Variants in IQCJ observed in about 807,000 individuals in gnomAD.
The protein encoded by IQCJ is IQ motif containing J, also known as IQ domain-containing protein J.
IQCJ carries 9 observed loss-of-function variants against 11.0 expected under a neutral mutation model. The observed-to-expected ratio is 0.82, with a 90% CI of 0.49 to 1.43. IQCJ has a LOEUF of 1.43. Among genes scored for constraint, IQCJ ranks in the 40% most tolerant of loss-of-function variants. The pLI, the probability that IQCJ is intolerant of heterozygous loss-of-function variation, is 0.00. For synonymous variants in IQCJ, 55 were observed against 51.3 expected (o/e 1.07, Z -0.31); for missense variants, 146 against 133.2 (o/e 1.10, Z -0.47).
At chr3:159,082,656 C>T (rs750310785) in intron 1 of IQCJ, among the ~76,000 whole-genome samples, 1 of 151,984 alleles carries the variant, frequency 6.6e-6, no homozygotes, top group Non-Finnish European at 1.5e-5. Context: ...GAAAGGGAAG[C>T]TGTGGTTGGG....
chr3:159,245,628 A>AT lies in IQCJ; in HGVS notation c.10-208dup, dbSNP rs563570144. Reference sequence around the variant, plus strand: ...AGGCACCTGCTACCATGCCTGGCTAATTTTTTTGTATTTTTAGTAGAGACA... The same window carrying AT: ...AGGCACCTGCTACCATGCCTGGCTAATTTTTTTTGTATTTTTAGTAGAGACA... On this transcript the variant is annotated intron_variant, in intron 1 of 3. Coordinates refer to ENST00000397832, the MANE Select transcript of IQCJ (RefSeq NM_001042706.3). Among the ~76,000 whole-genome samples, 20 of 151,822 alleles carry AT rather than the reference A, an allele frequency of 1.3e-4. No homozygotes were observed. In the South Asian group the frequency reaches 3.3e-3, roughly 25 times the overall value.
intron 3 of IQCJ, among the ~76,000 whole-genome samples, chr3:159,260,173 T>C (rs181044659): frequency 6.6e-6 from 1 of 152,288 alleles, no homozygotes; most frequent in East Asian, 1.9e-4. Context: ...GAGAAGAGGA[T>C]GTTTAAGTGC....
Position 159,178,022 on chromosome 3 carries a change from A to T in IQCJ, c.10-67821A>T, listed in dbSNP as rs1722882089. Among the ~76,000 whole-genome samples the T allele has an allele frequency of 3.9e-5, 6 of 152,336 alleles. No homozygotes were observed. The South Asian group carries it at 1.2e-3, about 32-fold the overall frequency. ...TTTGTGAGACATATGCAGGCATATGATGAACATTTTTATAACTCGCTCTTC... is the reference window on the plus strand; with the variant it reads ...TTTGTGAGACATATGCAGGCATATGTTGAACATTTTTATAACTCGCTCTTC... On this transcript the variant is annotated intron_variant, in intron 1 of 3. Coordinates refer to ENST00000397832, the MANE Select transcript of IQCJ (RefSeq NM_001042706.3).
intron 1 of IQCJ, among the ~76,000 whole-genome samples, chr3:159,197,336 T>C (rs1724046771): frequency 6.6e-6 from 1 of 152,168 alleles, no homozygotes; most frequent in South Asian, 2.1e-4. Flanking sequence ...CATTTCTCCA[T>C]TGTCACTACC....
At chr3:159,136,418 A>G (rs140270430) in intron 1 of IQCJ, among the ~76,000 whole-genome samples, 1 of 152,182 alleles carries the variant, frequency 6.6e-6, no homozygotes, top group Non-Finnish European at 1.5e-5. Flanking sequence ...TGTTCCCCTT[A>G]GAGACCATTT....
chr3:159,220,257 A>G (rs989977804), intron 1 of IQCJ, among the ~76,000 whole-genome samples: 35 of 152,206 alleles, frequency 2.3e-4, no homozygotes, highest in African/African-American at 7.9e-4. Context: ...GCCACCCCCA[A>G]TTCATATGTT....
chr3:159,109,107 C>T (rs1055964789), intron 1 of IQCJ, among the ~76,000 whole-genome samples: 1 of 152,202 alleles, frequency 6.6e-6, no homozygotes, highest in Non-Finnish European at 1.5e-5. Flanking sequence ...GATCTCCAGG[C>T]TTATGGCAGC....
intron 1 of IQCJ, among the ~76,000 whole-genome samples, chr3:159,201,704 GGCTC>G (rs906395324): frequency 3.0e-5 from 4 of 132,996 alleles, no homozygotes. Context: ...GCGGGATCTC[GGCTC>G]ACTGCAAGCT....
intron 1 of IQCJ, among the ~76,000 whole-genome samples, chr3:159,166,144 TA>T (rs547357327): frequency 5.0e-4 from 74 of 148,442 alleles, no homozygotes; most frequent in East Asian, 2.2e-3. Flanking sequence ...TTCCACTGTT[TA>T]AAAAAAAAAA....
intron 1 of IQCJ, among the ~76,000 whole-genome samples, chr3:159,092,893 C>T (rs754313292): frequency 1.3e-5 from 2 of 151,402 alleles, no homozygotes; most frequent in Non-Finnish European, 2.9e-5. Flanking sequence ...TGAAGTTTCA[C>T]GATCTCTACA....
At chr3:159,252,668 T>C in intron 2 of IQCJ, 59 bp from the exon 3 acceptor site, 1 of 1,435,592 alleles carries the variant, frequency 7.0e-7, no homozygotes, top group Non-Finnish European at 9.5e-7. Context: ...AGCAGTATTA[T>C]TGCTATAGAT....
intron 1 of IQCJ, among the ~76,000 whole-genome samples, chr3:159,190,087 A>G (rs2108037567): frequency 6.6e-6 from 1 of 152,266 alleles, no homozygotes; most frequent in Non-Finnish European, 1.5e-5. Flanking sequence ...TTTAGGCAGG[A>G]TCCCTTCCAT....
chr3:159,131,912 T>C (rs1214313015), intron 1 of IQCJ, among the ~76,000 whole-genome samples: 1 of 151,914 alleles, frequency 6.6e-6, no homozygotes, highest in Non-Finnish European at 1.5e-5. Context: ...TTTTATTCCT[T>C]ATGGCTTACA....
At chr3:159,133,003 C>A (rs925560237) in intron 1 of IQCJ, among the ~76,000 whole-genome samples, 2 of 152,046 alleles carry the variant, frequency 1.3e-5, no homozygotes, top group Admixed American at 1.3e-4. Flanking sequence ...TATTTGGTTT[C>A]AGTTTTTCTA....
intron 1 of IQCJ, among the ~76,000 whole-genome samples, chr3:159,180,162 A>T (rs978842222): frequency 6.6e-6 from 1 of 152,240 alleles, no homozygotes. Context: ...GCCTATAAAT[A>T]TAAATATGCT....
At chr3:159,237,712 C>G (rs1414254595) in intron 1 of IQCJ, among the ~76,000 whole-genome samples, 1 of 152,116 alleles carries the variant, frequency 6.6e-6, no homozygotes, top group Admixed American at 6.6e-5. Context: ...AGAAAAGAAG[C>G]AAATAGAGCA....
chr3:159,253,669 G>A (rs1191017358), intron 3 of IQCJ, among the ~76,000 whole-genome samples: 1 of 151,548 alleles, frequency 6.6e-6, no homozygotes, highest in Admixed American at 6.6e-5. Context: ...CGAGAAGCAT[G>A]AGAATTTAAA....
intron 1 of IQCJ, among the ~76,000 whole-genome samples, chr3:159,154,166 A>C (rs888702991): frequency 2.6e-5 from 4 of 152,218 alleles, no homozygotes; most frequent in African/African-American, 9.6e-5. Flanking sequence ...ACAATTGTGC[A>C]CACTGAGGGG....
intron 1 of IQCJ, among the ~76,000 whole-genome samples, chr3:159,145,172 A>C (rs1560002149): frequency 6.6e-6 from 1 of 152,222 alleles, no homozygotes; most frequent in Non-Finnish European, 1.5e-5. Context: ...TCCAGAAAAT[A>C]GTAGCTGAAT....
Sources: allele counts gnomAD v4.1 joint callset (sites outside exome capture counted in the v4.1 genomes callset), GRCh38; gene constraint gnomAD v4.1.1; transcripts MANE v1.5; gene names NCBI Gene and HGNC (gene_info 2026-07-23, HGNC 2026-07-21).